The following CACNA1H variants were observed in gnomAD, a reference collection of about 807,000 sequenced individuals.
CACNA1H encodes voltage-dependent T-type calcium channel subunit alpha-1H.
A neutral mutation model predicts 192.5 loss-of-function variants in CACNA1H; 149 were observed. The ratio of observed to expected loss-of-function variants is 0.77; its 90% CI spans 0.68 to 0.89. The LOEUF (loss-of-function observed/expected upper bound fraction) is 0.89. CACNA1H is among the 40% of genes least tolerant of loss of function. The pLI, the probability that CACNA1H is intolerant of heterozygous loss-of-function variation, is 0.00. For missense variants in CACNA1H, 4,257 were observed against 3,423.5 expected (o/e 1.24, Z -6.08); for synonymous variants, 2,202 against 1,475.2 (o/e 1.49, Z -11.29).
At chr16:1,198,888 C>A (rs542332391) in intron 6 of CACNA1H, 114 bp downstream of exon 6, 1 of 950,838 alleles carries the variant, frequency 1.1e-6, no homozygotes, top group Non-Finnish European at 1.6e-6. Context: ...TGCAGTCACC[C>A]GCCCCGCCAC....
chr16:1,176,323 C>T (rs545174392), intron 2 of CACNA1H, among the ~76,000 whole-genome samples: 44 of 152,364 alleles, frequency 2.9e-4, no homozygotes, highest in African/African-American at 1.0e-3. Context: ...AGCAATGTCT[C>T]GGAGCTCCCC....
rs979860076 is a variant in CACNA1H, at chr16:1,180,031, G to A, written c.300-14941G>A. 2.6e-5 allele frequency among the ~76,000 whole-genome samples: 4 copies of A among 152,182 alleles called. No homozygotes were observed. The East Asian group carries it at 5.8e-4, about 22-fold the overall frequency. ...ATAACAGGCGTGAGCCACCATGCCC[G>A]GCCCGGCCTTGTTTTTTAATATACA... is the stretch of plus-strand genomic sequence containing the variant. On this transcript the variant is annotated intron_variant, in intron 2 of 34. Coordinates refer to ENST00000348261, the MANE Select transcript of CACNA1H (RefSeq NM_021098.3). This position sits in a 1 kb window ranked among gnomAD's most constrained non-coding sequence, Gnocchi z 4.4.
In CACNA1H at chr16:1,201,999, C is replaced by T. The variant is rs1182517062; in HGVS notation, c.1549C>T (p.Leu517=). 2.6e-6 allele frequency: 4 copies of T among 1,539,488 alleles called. No individual in the cohort carries two copies. Among genetic ancestry groups the T allele is most frequent in the Non-Finnish European group, 3.5e-6 (4 of 1,143,804 alleles). ...AGRHTASVHH[L]VYHHHHHHHH... ...CAGGCACACAGCCTCGGTGCACCAC[C>T]TGGTCTACCACCACCATCACCACCA... The change falls in exon 9 of 35, where the codon CTG becomes TTG. Residue 517 remains leucine, a synonymous_variant. Transcript: ENST00000348261.
At chr16:1,178,327 T>C (rs1393298420) in intron 2 of CACNA1H, among the ~76,000 whole-genome samples, 1 of 145,182 alleles carries the variant, frequency 6.9e-6, no homozygotes, top group Non-Finnish European at 1.5e-5. Context: ...CCGCCTCATT[T>C]ACGGGCTTCT....
At chr16:1,176,827 T>A (rs562352076) in intron 2 of CACNA1H, among the ~76,000 whole-genome samples, 1 of 152,102 alleles carries the variant, frequency 6.6e-6, no homozygotes, top group African/African-American at 2.4e-5. Flanking sequence ...CCCTCGGCCC[T>A]TCCCCCGCGT....
intron 18 of CACNA1H, 32 bp from the exon 19 acceptor site, chr16:1,210,338 G>GCCC: frequency 6.1e-5 from 18 of 296,988 alleles, no homozygotes; most frequent in Admixed American, 1.6e-4. Flanking sequence ...ACGCCGCCCC[G>GCCC]CCCCACCTCT....
rs759211097 is a variant in CACNA1H at position 1,221,740 on chromosome 16, G to C, written c.*746G>C. 6.6e-7 allele frequency: 1 copy of C among 1,511,648 alleles called. No individual in the cohort carries two copies. Among genetic ancestry groups the C allele is most frequent in the Admixed American group, 2.1e-5 (1 of 48,626 alleles). 93.6% of individuals were successfully genotyped at this position (1,511,648 alleles called of 1,614,324 possible). ...TCTCAAGGGAGAGGGAGGGGGCGGA[G>C]CGGAATAAATAGTAACTTATTTAAG... On this transcript the variant is annotated 3_prime_UTR_variant, in exon 35 of 35. Coordinates refer to ENST00000348261, the MANE Select transcript of CACNA1H (RefSeq NM_021098.3).
rs199693105 is a variant in CACNA1H, at chr16:1,212,093, C to T, written c.4714C>T (p.Arg1572Trp). Residue 1572 changes from arginine to tryptophan, a missense_variant, in exon 25 of 35, where the codon CGG becomes TGG. Physicochemically the swap from Arg to Trp is moderately radical, Grantham distance 101. Transcript: ENST00000348261. ...GCACCAGGAGGCGGAGGAGGCGCGG[C>T]GGCGAGAGGAGAAGCGGCTGCGGCG... ...RQHQEAEEAR[R>W]REEKRLRRLE... 1.1e-4 allele frequency: 174 copies of T among 1,611,714 alleles called. No individual in the cohort carries two copies. The highest frequency in any genetic ancestry group is 9.2e-4 in the African/African-American group (69 of 75,026).
chr16:1,209,009 C>T, intron 16 of CACNA1H, 23 bp from the exon 17 acceptor site: 1 of 1,475,654 alleles, frequency 6.8e-7, no homozygotes, highest in Non-Finnish European at 8.9e-7. Flanking sequence ...GCCACCAGGT[C>T]ACTGACTCCC....
Position 1,202,086 on chromosome 16 carries a change from T to A in CACNA1H, c.1636T>A (p.Cys546Ser). 6.5e-7 allele frequency: 1 copy of A among 1,542,696 alleles called. No homozygotes were observed. The highest frequency in any genetic ancestry group is 2.5e-5 in the East Asian group (1 of 40,782). The change falls in exon 9 of 35, where the codon TGC (cysteine) becomes AGC (serine). Residue 546 changes from cysteine (C) to serine (S), a missense_variant. Coordinates refer to ENST00000348261, the MANE Select transcript of CACNA1H (RefSeq NM_021098.3). ...PRRPGPEPGA[C>S]DTRLVRAGAP... ...CAGGCCCGGCCCCGAGCCAGGCGCC[T>A]GCGACACCAGGCTGGTCCGAGCTGG...
intron 2 of CACNA1H, among the ~76,000 whole-genome samples, chr16:1,185,502 C>T (rs953645962): frequency 2.2e-4 from 29 of 130,026 alleles, no homozygotes; most frequent in East Asian, 1.7e-3. Flanking sequence ...TCTGCAGAGT[C>T]CCCCCCCCCG....
rs763861676 is a variant in CACNA1H at position 1,206,151 on chromosome 16, G to A, written c.2651G>A (p.Arg884His). ...GCGGACGGTGGCTTGTCTGTGCTGC[G>A]CACCTTCCGGCTGCTGCGTGTGCTG... ...GQADGGLSVL[R>H]TFRLLRVLKL... is the part of the protein sequence containing the mutation. The change falls in exon 12 of 35, where the codon CGC (arginine) becomes CAC (histidine). Residue 884 changes from arginine (R) to histidine (H), a missense_variant. Arg to His is a conservative substitution (Grantham distance 29, BLOSUM62 0). Transcript: ENST00000348261. 46 of 1,585,388 alleles carry A rather than the reference G, an allele frequency of 2.9e-5. No homozygotes were observed. The highest frequency in any genetic ancestry group is 3.5e-5 in the South Asian group (3 of 86,406).
At chr16:1,156,086 C>T (rs1405905412) in intron 2 of CACNA1H, among the ~76,000 whole-genome samples, 1 of 152,170 alleles carries the variant, frequency 6.6e-6, no homozygotes, top group African/African-American at 2.4e-5. Flanking sequence ...GGTCGGCCTC[C>T]TGCCCTTCGA....
chr16:1,166,411 A>T (rs900301340), intron 2 of CACNA1H, among the ~76,000 whole-genome samples: 8 of 152,310 alleles, frequency 5.3e-5, no homozygotes, highest in African/African-American at 1.9e-4. Flanking sequence ...GCAGCGTACA[A>T]GGCCCTCTGG....
rs1965408834 is a variant in CACNA1H, at chr16:1,180,991, A to G, written c.300-13981A>G. ...CGGCCAGACCCAAGGGTGGAGCTCCAGGCCACGTTCCCATGGAGGGAGCGC... is the reference window on the plus strand; with the variant it reads ...CGGCCAGACCCAAGGGTGGAGCTCCGGGCCACGTTCCCATGGAGGGAGCGC... On this transcript the variant is annotated intron_variant, in intron 2 of 34. Transcript: ENST00000348261. The surrounding 1 kb of genome is among the most constrained non-coding windows in gnomAD (Gnocchi z 4.4). 6.6e-6 allele frequency among the ~76,000 whole-genome samples: 1 copy of G among 152,194 alleles called. No homozygotes were observed. Among genetic ancestry groups the G allele is most frequent in the Non-Finnish European group, 1.5e-5 (1 of 68,010 alleles).
intron 2 of CACNA1H, among the ~76,000 whole-genome samples, chr16:1,171,955 C>A (rs561985174): frequency 7.2e-5 from 11 of 152,228 alleles, no homozygotes; most frequent in Non-Finnish European, 1.6e-4. Context: ...GGCGCCAGGA[C>A]GGACGCTGGG....
In CACNA1H at chr16:1,169,896, G is replaced by A. The variant is rs182691830; in HGVS notation, c.299+15860G>A. ...ACCGCCCAGCACTGCAGTCACGCTG[G>A]GAAGCTCGGGTTTGGAGCTGGGCGG... is the stretch of plus-strand genomic sequence containing the variant. On this transcript the variant is annotated intron_variant, in intron 2 of 34. Transcript: ENST00000348261. Among the ~76,000 whole-genome samples, 42 of 152,386 alleles carry A rather than the reference G, an allele frequency of 2.8e-4. No homozygotes were observed. The East Asian group carries it at 7.1e-3, about 26-fold the overall frequency.
In CACNA1H at chr16:1,201,911, C is replaced by T; in HGVS notation, c.1461C>T (p.Arg487=). 1 of 1,550,326 alleles carries T rather than the reference C, an allele frequency of 6.5e-7. No homozygotes were observed. Among genetic ancestry groups the T allele is most frequent in the Non-Finnish European group, 8.7e-7 (1 of 1,147,020 alleles). The change falls in exon 9 of 35, where the codon CGC becomes CGT. Residue 487 remains arginine, a synonymous_variant. Transcript: ENST00000348261. ...ACGCCCGCTGGCAGAGCCGCTGGCGCAAGAAGGTGGACCCCAGTGCTGTGC... is the reference window on the plus strand; with the variant it reads ...ACGCCCGCTGGCAGAGCCGCTGGCGTAAGAAGGTGGACCCCAGTGCTGTGC... ...RLYARWQSRW[R]KKVDPSAVQG...
chr16:1,205,216 T>C lies in CACNA1H; in HGVS notation c.2554T>C (p.Tyr852His). The C allele has an allele frequency of 1.2e-6, 2 of 1,612,936 alleles. No individual in the cohort carries two copies. The highest frequency in any genetic ancestry group is 1.7e-6 in the Non-Finnish European group (2 of 1,179,704). Residue 852 changes from tyrosine (Y) to histidine (H), a missense_variant, in exon 11 of 35, where the codon TAC becomes CAC. Transcript: ENST00000348261. ...GCTGCTGGCCTGCGGCCCTCTGGGC[T>C]ACATCCGGAACCCGTACAACATCTT... ...LKLLACGPLGYIRNPYNIFDG... is the reference protein window; with the variant it reads ...LKLLACGPLGHIRNPYNIFDG...
Sources: gnomAD v4.1 joint callset for allele counts (sites outside exome capture counted in the v4.1 genomes callset) on GRCh38, gnomAD v4.1.1 for gene constraint, Gnocchi (gnomAD v3.1) non-coding constraint, MANE v1.5 for transcripts, NCBI Gene and HGNC (gene_info 2026-07-23, HGNC 2026-07-21) for gene names.